The following C8orf89 variants were observed in gnomAD, a reference collection of about 807,000 sequenced individuals.
C8orf89 encodes chromosome 8 open reading frame 89.
In C8orf89, 14 loss-of-function variants were observed where a neutral mutation model predicts 15.8. That is an observed-to-expected ratio of 0.89 (90% CI 0.59 to 1.39). The LOEUF (loss-of-function observed/expected upper bound fraction) is 1.39, where lower values mean the gene tolerates loss of function less well. Among genes scored for constraint, C8orf89 ranks in the 40% most tolerant of loss-of-function variants. The probability of loss-of-function intolerance (pLI) is 0.00; values close to 1 mark genes in which losing one functional copy is unlikely to be tolerated. For missense variants in C8orf89, 181 were observed against 184.5 expected (o/e 0.98, Z 0.11); for synonymous variants, 55 against 62.2 (o/e 0.88, Z 0.54).
At chr8:73,264,580 T>A in the C8orf89 span, among the ~76,000 whole-genome samples, 1 of 152,076 alleles carries the variant, frequency 6.6e-6, no homozygotes, top group Non-Finnish European at 1.5e-5. Flanking sequence ...AACCTCCACC[T>A]CCCGGGTTCA....
chr8:73,256,559 C>A (rs1290701264), intron 2 of C8orf89, among the ~76,000 whole-genome samples: 4 of 151,610 alleles, frequency 2.6e-5, no homozygotes, highest in Admixed American at 2.6e-4. Flanking sequence ...GAAACTCCGT[C>A]TCTACTAAAA....
the C8orf89 span, among the ~76,000 whole-genome samples, chr8:73,285,053 AG>A: frequency 6.6e-6 from 1 of 152,238 alleles, no homozygotes; most frequent in Non-Finnish European, 1.5e-5. Context: ...CACAAATTAT[AG>A]GTAAATCAGA....
the C8orf89 span, among the ~76,000 whole-genome samples, chr8:73,278,454 C>T: frequency 6.6e-6 from 1 of 152,148 alleles, no homozygotes; most frequent in South Asian, 2.1e-4. Flanking sequence ...CCCTGACGCC[C>T]GGGCGCTGAG....
At chr8:73,250,603 A>G (rs557224155) in intron 2 of C8orf89, among the ~76,000 whole-genome samples, 4 of 152,308 alleles carry the variant, frequency 2.6e-5, no homozygotes, top group South Asian at 4.1e-4. Flanking sequence ...GAATCAAGAT[A>G]AACAGGCCAT....
intron 2 of C8orf89, among the ~76,000 whole-genome samples, chr8:73,252,006 T>C (rs545132492): frequency 4.8e-4 from 73 of 152,340 alleles, no homozygotes; most frequent in African/African-American, 1.6e-3. Context: ...ACGGTCCCTC[T>C]TTTTTCTGCA....
chr8:73,248,392 C>T (rs185414174), intron 3 of C8orf89, among the ~76,000 whole-genome samples: 246 of 152,174 alleles, frequency 1.6e-3, no homozygotes, highest in Non-Finnish European at 2.8e-3. Context: ...CAGCTTTGTT[C>T]TTTTTGCTTA....
the C8orf89 span, among the ~76,000 whole-genome samples, chr8:73,285,503 AGAT>A: frequency 6.6e-6 from 1 of 152,300 alleles, no homozygotes; most frequent in African/African-American, 2.4e-5. Flanking sequence ...GAGTGGGACT[AGAT>A]GACCTCTGGA....
intron 3 of C8orf89, among the ~76,000 whole-genome samples, chr8:73,246,570 A>C (rs1035520260): frequency 1.3e-5 from 2 of 152,040 alleles, no homozygotes; most frequent in East Asian, 3.9e-4. Flanking sequence ...GTAGAGACGG[A>C]GTCTCATCAT....
At chr8:73,285,040 A>G in the C8orf89 span, among the ~76,000 whole-genome samples, 1 of 152,254 alleles carries the variant, frequency 6.6e-6, no homozygotes, top group Non-Finnish European at 1.5e-5. Context: ...AAAGTAACAC[A>G]CACACAAATT....
intron 3 of C8orf89, among the ~76,000 whole-genome samples, chr8:73,242,330 C>T (rs1813024649): frequency 6.6e-6 from 1 of 152,032 alleles, no homozygotes; most frequent in African/African-American, 2.4e-5. Flanking sequence ...TTAAAATGGG[C>T]AAAAGGGGTG....
the C8orf89 span, among the ~76,000 whole-genome samples, chr8:73,271,474 T>C: frequency 6.6e-6 from 1 of 152,120 alleles, no homozygotes; most frequent in African/African-American, 2.4e-5. Context: ...TAGGTCCCTC[T>C]TTGCACGTGC....
rs148579130 is a variant in C8orf89 at position 73,243,052 on chromosome 8, A to G, written c.338-1447T>C. Among the ~76,000 whole-genome samples, 735 of 152,344 alleles carry G rather than the reference A, an allele frequency of 4.8e-3. 7 individuals are homozygous for G. The highest frequency in any genetic ancestry group is 2.8e-3 in the Non-Finnish European group (191 of 68,030). On this transcript the variant is annotated intron_variant, in intron 3 of 3. Coordinates refer to ENST00000624510, the MANE Select transcript of C8orf89 (RefSeq NM_001243237.3). ...TTATGTTAGGTTAAATAAGCCAGGT[A>G]CAGAAAGACAAATTTCACATATTCT...
intron 1 of C8orf89, among the ~76,000 whole-genome samples, chr8:73,258,909 G>C (rs892380927): frequency 6.6e-6 from 1 of 152,056 alleles, no homozygotes; most frequent in Non-Finnish European, 1.5e-5. Flanking sequence ...CAAATTACAG[G>C]CTAAGCCACT....
Position 73,251,446 on chromosome 8 carries a change from T to C in C8orf89, c.282-1123A>G, listed in dbSNP as rs1813246017. 2.0e-5 allele frequency among the ~76,000 whole-genome samples: 3 copies of C among 152,200 alleles called. No homozygotes were observed. The South Asian group carries it at 6.2e-4, about 31-fold the overall frequency. On this transcript the variant is annotated intron_variant, in intron 2 of 3. Coordinates refer to ENST00000624510, the MANE Select transcript of C8orf89 (RefSeq NM_001243237.3). ...ACAGCTAAAATGAAGACACTTGAGTTAAAGGCAGGGAAAAGAACTAACACT... is the reference window on the plus strand; with the variant it reads ...ACAGCTAAAATGAAGACACTTGAGTCAAAGGCAGGGAAAAGAACTAACACT...
the C8orf89 span, among the ~76,000 whole-genome samples, chr8:73,272,654 T>C: frequency 3.9e-5 from 6 of 152,024 alleles, no homozygotes; most frequent in African/African-American, 1.5e-4. Context: ...CCTTCCTGTG[T>C]CCAAGTGTTC....
chr8:73,273,285 C>T, the C8orf89 span, among the ~76,000 whole-genome samples: 5 of 152,246 alleles, frequency 3.3e-5, no homozygotes, highest in Admixed American at 3.3e-4. Flanking sequence ...TCCCTGCACT[C>T]TCAGGGCCCC....
the C8orf89 span, among the ~76,000 whole-genome samples, chr8:73,269,653 A>G: frequency 4.6e-5 from 7 of 152,338 alleles, no homozygotes; most frequent in East Asian, 1.3e-3. Context: ...TTAAGCAATC[A>G]TCTATTCAGC....
chr8:73,263,138 T>A (rs1265322327), upstream of C8orf89, among the ~76,000 whole-genome samples: 1 of 152,224 alleles, frequency 6.6e-6, no homozygotes, highest in African/African-American at 2.4e-5. Context: ...AGTGTTGAGA[T>A]AAACTTGTTT....
the C8orf89 span, among the ~76,000 whole-genome samples, chr8:73,267,588 G>T: frequency 3.9e-5 from 6 of 152,150 alleles, no homozygotes; most frequent in Non-Finnish European, 8.8e-5. Context: ...ATAAATGAGG[G>T]AATTAGAGTA....
Sources: gnomAD v4.1 joint callset for allele counts (sites outside exome capture counted in the v4.1 genomes callset) on GRCh38, gnomAD v4.1.1 for gene constraint, MANE v1.5 for transcripts, NCBI Gene and HGNC (gene_info 2026-07-23, HGNC 2026-07-21) for gene names.